The following STXBP6 variants were observed in gnomAD, a reference collection of about 807,000 sequenced individuals.
The protein encoded by STXBP6 is syntaxin binding protein 6, also known as syntaxin-binding protein 6.
STXBP6 carries 21 observed loss-of-function variants against 26.9 expected under a neutral mutation model. The ratio of observed to expected loss-of-function variants is 0.78; its 90% CI spans 0.55 to 1.12. The LOEUF is 1.12. STXBP6 is among the 50% of genes most tolerant of loss of function. The pLI is 0.00. For missense variants in STXBP6, 232 were observed against 257.9 expected, an observed-to-expected ratio of 0.90 and a Z score of 0.69; for synonymous variants, 97 against 92.6, an observed-to-expected ratio of 1.05 and a Z score of -0.27.
At chr14:24,985,686 G>A (rs960459826) in intron 1 of STXBP6, among the ~76,000 whole-genome samples, 1 of 152,146 alleles carries the variant, frequency 6.6e-6, no homozygotes, top group Non-Finnish European at 1.5e-5. Context: ...TTTACTTTAC[G>A]GAGAAGGATC....
chr14:24,998,772 A>G (rs183611604), intron 1 of STXBP6, among the ~76,000 whole-genome samples: 1 of 152,340 alleles, frequency 6.6e-6, no homozygotes, highest in Non-Finnish European at 1.5e-5. Context: ...TTGTTTTGAA[A>G]GGAAACTATT....
intron 4 of STXBP6, chr14:24,819,599 T>G: frequency 2.5e-6 from 1 of 399,082 alleles, no homozygotes; most frequent in Admixed American, 4.1e-5. Flanking sequence ...CTTATGTTAT[T>G]TCCTTTTGAC....
intron 1 of STXBP6, among the ~76,000 whole-genome samples, chr14:25,025,554 T>C (rs2075334775): frequency 6.6e-6 from 1 of 152,224 alleles, no homozygotes; most frequent in Non-Finnish European, 1.5e-5. Context: ...GTGTAAGATG[T>C]AGAATTAAGA....
chr14:25,040,695 A>G (rs1427256767), intron 1 of STXBP6, among the ~76,000 whole-genome samples: 1 of 152,236 alleles, frequency 6.6e-6, no homozygotes, highest in East Asian at 1.9e-4. Flanking sequence ...AAGCAGCTCA[A>G]CATATGTTTA....
At chr14:24,968,817 A>G (rs1645765139) in intron 2 of STXBP6, among the ~76,000 whole-genome samples, 1 of 152,240 alleles carries the variant, frequency 6.6e-6, no homozygotes, top group African/African-American at 2.4e-5. Context: ...AAAATTGAGT[A>G]TCAAAAATAT....
intron 1 of STXBP6, among the ~76,000 whole-genome samples, chr14:25,005,863 T>A (rs2074883847): frequency 6.6e-6 from 1 of 151,840 alleles, no homozygotes; most frequent in South Asian, 2.1e-4. Flanking sequence ...AAATGTATAT[T>A]ACAGGGAAAG....
chr14:24,988,981 G>C (rs891556482), intron 1 of STXBP6, among the ~76,000 whole-genome samples: 2 of 152,202 alleles, frequency 1.3e-5, no homozygotes, highest in African/African-American at 4.8e-5. Context: ...GAAGGAACAG[G>C]CCTGAGGTTA....
chr14:24,931,877 G>A (rs1359965139), intron 2 of STXBP6, among the ~76,000 whole-genome samples: 1 of 152,174 alleles, frequency 6.6e-6, no homozygotes, highest in Non-Finnish European at 1.5e-5. Flanking sequence ...AATCAGGAAG[G>A]GGGAAGGCAG....
intron 2 of STXBP6, among the ~76,000 whole-genome samples, chr14:24,884,001 C>T (rs1220768927): frequency 6.6e-6 from 1 of 151,990 alleles, no homozygotes; most frequent in Non-Finnish European, 1.5e-5. Context: ...ATATTAAAAC[C>T]CCTCTTTTAT....
chr14:24,959,276 A>G (rs1340272484), intron 2 of STXBP6, among the ~76,000 whole-genome samples: 5 of 152,284 alleles, frequency 3.3e-5, no homozygotes, highest in South Asian at 2.1e-4. Flanking sequence ...AAGGGAAGAG[A>G]AAGGGTCATC....
At chr14:24,824,510 C>T (rs937515762) in intron 4 of STXBP6, among the ~76,000 whole-genome samples, 2 of 152,132 alleles carry the variant, frequency 1.3e-5, no homozygotes, top group African/African-American at 4.8e-5. Context: ...CCACAAAGTC[C>T]ATTAATTATC....
intron 2 of STXBP6, among the ~76,000 whole-genome samples, chr14:24,947,518 G>A (rs952407055): frequency 2.0e-5 from 3 of 152,234 alleles, no homozygotes; most frequent in East Asian, 1.9e-4. Context: ...CAACTACATC[G>A]GTAAGAAGTC....
intron 1 of STXBP6, among the ~76,000 whole-genome samples, chr14:24,978,360 G>A (rs146643930): frequency 6.6e-6 from 1 of 152,316 alleles, no homozygotes; most frequent in East Asian, 1.9e-4. Flanking sequence ...GACCAGAAAT[G>A]TAGTGATGGG....
At chr14:24,831,792 G>A (rs536647130) in intron 4 of STXBP6, among the ~76,000 whole-genome samples, 18 of 152,152 alleles carry the variant, frequency 1.2e-4, no homozygotes, top group African/African-American at 4.3e-4. Context: ...GGTTCTCTGG[G>A]AGTGCAGCAT....
intron 2 of STXBP6, among the ~76,000 whole-genome samples, chr14:24,920,901 G>C (rs1421821446): frequency 6.6e-6 from 1 of 152,090 alleles, no homozygotes; most frequent in Non-Finnish European, 1.5e-5. Flanking sequence ...CAGTTATCAG[G>C]ATAGTAGCAC....
intron 4 of STXBP6, among the ~76,000 whole-genome samples, chr14:24,855,170 G>A (rs1312682614): frequency 1.3e-5 from 2 of 152,044 alleles, no homozygotes; most frequent in Non-Finnish European, 2.9e-5. Context: ...AAGATGTGAT[G>A]TATTTAACGT....
chr14:24,869,639 A>G (rs1394530716), intron 2 of STXBP6, among the ~76,000 whole-genome samples: 1 of 152,162 alleles, frequency 6.6e-6, no homozygotes, highest in African/African-American at 2.4e-5. Context: ...ATTGGGGGAT[A>G]AACCGTTTTA....
At chr14:24,955,818 C>A (rs371354985) in intron 2 of STXBP6, among the ~76,000 whole-genome samples, 2 of 152,308 alleles carry the variant, frequency 1.3e-5, no homozygotes. Context: ...TGCAATAGCA[C>A]CTACTGCGTG....
intron 1 of STXBP6, among the ~76,000 whole-genome samples, chr14:24,976,852 C>CTTTTTTTTTTT (rs71121808): frequency 0.014 from 642 of 45,274 alleles, 129 homozygotes; most frequent in African/African-American, 0.025. Flanking sequence ...ACTGGGCGCT[C>CTTTTTTTTTTT]TTTTTTTTTT....
Sources: allele counts gnomAD v4.1 joint callset (sites outside exome capture counted in the v4.1 genomes callset), GRCh38; gene constraint gnomAD v4.1.1; transcripts MANE v1.5; gene names NCBI Gene and HGNC (gene_info 2026-07-23, HGNC 2026-07-21).